Variants in KLF13 observed in about 807,000 individuals in gnomAD.
The protein encoded by KLF13 is Krueppel-like factor 13.
KLF13 carries 8 observed loss-of-function variants against 16.7 expected under a neutral mutation model. The observed-to-expected ratio is 0.48, with a 90% CI of 0.28 to 0.87. The LOEUF is 0.87. Among genes scored for constraint, KLF13 ranks in the 40% least tolerant of loss-of-function variants. KLF13 has a pLI of 0.10. For synonymous variants in KLF13, 245 were observed against 208.4 expected, an observed-to-expected ratio of 1.18 and a Z score of -1.51; for missense variants, 447 against 452.2, an observed-to-expected ratio of 0.99 and a Z score of 0.10.
At position 31,368,820 on chromosome 15, in the gene KLF13, TTAGA is replaced by T. The variant is rs373136224; in HGVS notation, c.578-3166_578-3163del. 7.7e-3 allele frequency among the ~76,000 whole-genome samples: 1,169 copies of T among 151,830 alleles called. 11 individuals carry two copies. Among genetic ancestry groups the T allele is most frequent in the African/African-American group, 0.026 (1,090 of 41,324 alleles). On this transcript the variant is annotated intron_variant, in intron 1 of 1. Coordinates refer to ENST00000307145, the MANE Select transcript of KLF13 (RefSeq NM_015995.4). ...TGACAGAGCAAGACTCTATCTCAGA[TTAGA>T]TAGATAGATAGATAGATAGATAGGT...
At chr15:31,423,081 A>ATATATATACG (rs1330770475) in intron 1 of KLF13, among the ~76,000 whole-genome samples, 1 of 38,410 alleles carries the variant, frequency 2.6e-5, no homozygotes, top group Non-Finnish European at 6.3e-5. Flanking sequence ...TAACAATTAC[A>ATATATATACG]TATATATACG....
chr15:31,378,698 C>A (rs2039687567), downstream of KLF13, among the ~76,000 whole-genome samples: 1 of 152,106 alleles, frequency 6.6e-6, no homozygotes, highest in African/African-American at 2.4e-5. Flanking sequence ...TACATGACTA[C>A]CTGTTCTTTT....
chr15:31,360,413 G>A (rs2140955795), intron 1 of KLF13, among the ~76,000 whole-genome samples: 1 of 152,362 alleles, frequency 6.6e-6, no homozygotes, highest in East Asian at 1.9e-4. Flanking sequence ...ACAAGCCTGA[G>A]CAGGATGTAG....
chr15:31,399,812 G>A (rs977634364), intron 2 of KLF13, among the ~76,000 whole-genome samples: 2 of 152,234 alleles, frequency 1.3e-5, no homozygotes, highest in Non-Finnish European at 2.9e-5. Flanking sequence ...TGTCTTGCCC[G>A]ATCTGCCAGG....
chr15:31,353,531 C>T (rs2039250094), intron 1 of KLF13, among the ~76,000 whole-genome samples: 1 of 152,250 alleles, frequency 6.6e-6, no homozygotes, highest in Non-Finnish European at 1.5e-5. Flanking sequence ...TTTCAATTCC[C>T]TTTATTGCTA....
intron 1 of KLF13, among the ~76,000 whole-genome samples, chr15:31,356,376 A>T (rs921603698): frequency 3.9e-5 from 6 of 152,180 alleles, no homozygotes; most frequent in Non-Finnish European, 8.8e-5. Context: ...CAACATGGTG[A>T]AACCCTGTCT....
At chr15:31,410,618 CA>C (rs1566842488) in intron 1 of KLF13, among the ~76,000 whole-genome samples, 37 of 107,572 alleles carry the variant, frequency 3.4e-4, no homozygotes, top group African/African-American at 9.5e-4. Context: ...CACACACACA[CA>C]CACACACCCC....
At chr15:31,366,110 CCA>C (rs1359628738) in intron 1 of KLF13, 1 of 152,062 alleles carries the variant, frequency 6.6e-6, no homozygotes, top group African/African-American at 2.4e-5. Flanking sequence ...CCCACCCACC[CCA>C]CTCTCCCCGC....
intron 1 of KLF13, among the ~76,000 whole-genome samples, chr15:31,409,800 A>T (rs994637877): frequency 6.6e-6 from 1 of 152,220 alleles, no homozygotes; most frequent in Non-Finnish European, 1.5e-5. Context: ...TTAAAAAATG[A>T]AGAAGACATA....
intron 1 of KLF13, 67 bp downstream of exon 1, chr15:31,327,856 C>G (rs1181886311): frequency 3.2e-6 from 4 of 1,262,440 alleles, no homozygotes; most frequent in Non-Finnish European, 4.0e-6. Context: ...CGACCACGCC[C>G]CCGGAGTCCC....
chr15:31,337,051 T>C (rs564038484), intron 1 of KLF13, among the ~76,000 whole-genome samples: 2 of 152,308 alleles, frequency 1.3e-5, no homozygotes, highest in South Asian at 2.1e-4. Context: ...GCCTATCTGC[T>C]CTCCAGACTT....
intron 1 of KLF13, among the ~76,000 whole-genome samples, chr15:31,337,200 G>T (rs1159554062): frequency 6.6e-6 from 1 of 152,216 alleles, no homozygotes; most frequent in Non-Finnish European, 1.5e-5. Flanking sequence ...AGGGCAGGCA[G>T]GGACTCAGAT....
At chr15:31,360,056 G>A (rs757509613) in intron 1 of KLF13, among the ~76,000 whole-genome samples, 11 of 152,192 alleles carry the variant, frequency 7.2e-5, no homozygotes, top group Admixed American at 2.0e-4. Flanking sequence ...TTGGAGTCCC[G>A]TACAGAGCTG....
chr15:31,354,183 C>T (rs2039263540), intron 1 of KLF13, among the ~76,000 whole-genome samples: 1 of 151,934 alleles, frequency 6.6e-6, no homozygotes, highest in African/African-American at 2.4e-5. Context: ...TCCAGGACAT[C>T]AGCCCAGGCC....
At chr15:31,411,209 T>C (rs2040189383) in intron 1 of KLF13, among the ~76,000 whole-genome samples, 1 of 152,182 alleles carries the variant, frequency 6.6e-6, no homozygotes, top group African/African-American at 2.4e-5. Context: ...CAATTATAGA[T>C]GCAACAATCA....
At chr15:31,366,510 A>G (rs545674404) in intron 1 of KLF13, 1 of 152,356 alleles carries the variant, frequency 6.6e-6, no homozygotes, top group South Asian at 2.1e-4. Flanking sequence ...GGAATCTCCT[A>G]CTGGTTCTCT....
chr15:31,350,536 C>A (rs2140947365), intron 1 of KLF13, among the ~76,000 whole-genome samples: 2 of 152,354 alleles, frequency 1.3e-5, no homozygotes, highest in Middle Eastern at 6.8e-3. Context: ...TATGCCCCTG[C>A]AGGGTTCAGG....
chr15:31,378,125 C>G (rs149032214), downstream of KLF13, among the ~76,000 whole-genome samples: 32 of 152,314 alleles, frequency 2.1e-4, no homozygotes, highest in East Asian at 5.2e-3. Flanking sequence ...TTCAGCTCTT[C>G]ACATTCCCAC....
chr15:31,421,831 T>G (rs996595857), intron 1 of KLF13, among the ~76,000 whole-genome samples: 1 of 152,116 alleles, frequency 6.6e-6, no homozygotes, highest in African/African-American at 2.4e-5. Context: ...AATAGAGGGC[T>G]GGCCGAGCGC....
Sources: gnomAD v4.1 joint callset for allele counts (sites outside exome capture counted in the v4.1 genomes callset) on GRCh38, gnomAD v4.1.1 for gene constraint, MANE v1.5 for transcripts, NCBI Gene and HGNC (gene_info 2026-07-23, HGNC 2026-07-21) for gene names.